Variants in EPB41L4A observed in about 807,000 individuals in gnomAD.
EPB41L4A encodes the protein erythrocyte membrane protein band 4.1 like 4A.
EPB41L4A carries 100 observed loss-of-function variants against 108.6 expected under a neutral mutation model. The ratio of observed to expected loss-of-function variants is 0.92; its 90% confidence interval spans 0.78 to 1.09. EPB41L4A has a LOEUF of 1.09. Among genes scored for constraint, EPB41L4A ranks in the 50% least tolerant of loss-of-function variants. The probability of loss-of-function intolerance (pLI) is 0.00; values close to 1 mark genes in which losing one functional copy is unlikely to be tolerated. For missense variants in EPB41L4A, 1,030 were observed against 842.7 expected, an observed-to-expected ratio of 1.22 and a Z score of -2.75; for synonymous variants, 319 against 289.0, an observed-to-expected ratio of 1.10 and a Z score of -1.05.
At chr5:112,240,289 T>C (rs986510801) in intron 10 of EPB41L4A, among the ~76,000 whole-genome samples, 1 of 152,202 alleles carries the variant, frequency 6.6e-6, no homozygotes. Context: ...AATAACTACT[T>C]AAGTGACTTC....
chr5:112,367,851 G>A (rs373041695), intron 1 of EPB41L4A, among the ~76,000 whole-genome samples: 1 of 148,590 alleles, frequency 6.7e-6, no homozygotes, highest in African/African-American at 2.6e-5. Context: ...CTCAGTACCC[G>A]GCTGAACAAA....
chr5:112,378,337 G>T (rs6883800), intron 1 of EPB41L4A, among the ~76,000 whole-genome samples: 17,731 of 152,144 alleles, frequency 0.12, 2,817 homozygotes, highest in African/African-American at 0.36. Context: ...GTTACCTAGA[G>T]CAGAGAGTAG....
intron 6 of EPB41L4A, 65 bp from the exon 7 acceptor site, chr5:112,262,646 A>T (rs1751577203): frequency 1.6e-6 from 2 of 1,252,268 alleles, no homozygotes. Context: ...AGGGATGCAA[A>T]CTATCTTCAT....
At chr5:112,166,825 G>C (rs1046767214) in intron 22 of EPB41L4A, among the ~76,000 whole-genome samples, 1 of 152,148 alleles carries the variant, frequency 6.6e-6, no homozygotes, top group Admixed American at 6.5e-5. Context: ...ACCATTACTG[G>C]CTTCTGGGCT....
At position 112,259,990 on chromosome 5, in the gene EPB41L4A, A is replaced by G. The variant is rs1303726423; in HGVS notation, c.643-11T>C. Reference sequence around the variant, plus strand: ...AGACTTGTTTTCTCCCTGCAAAAACAAACATATGCCTATAACCACATATTC... The same window carrying G: ...AGACTTGTTTTCTCCCTGCAAAAACGAACATATGCCTATAACCACATATTC... On this transcript the variant is annotated splice_polypyrimidine_tract_variant and intron_variant, in intron 7 of 22. Coordinates refer to ENST00000261486, the MANE Select transcript of EPB41L4A (RefSeq NM_022140.5). 6.3e-7 allele frequency: 1 copy of G among 1,579,394 alleles called. No individual in the cohort carries two copies. Among genetic ancestry groups the G allele is most frequent in the Admixed American group, 1.7e-5 (1 of 59,978 alleles).
intron 1 of EPB41L4A, among the ~76,000 whole-genome samples, chr5:112,339,079 G>A (rs1234801221): frequency 6.6e-6 from 1 of 152,122 alleles, no homozygotes; most frequent in South Asian, 2.1e-4. Context: ...AGAGATACTG[G>A]AGGGAAAAAT....
intron 4 of EPB41L4A, among the ~76,000 whole-genome samples, chr5:112,272,005 T>C (rs1008562840): frequency 1.3e-5 from 2 of 152,186 alleles, no homozygotes; most frequent in African/African-American, 2.4e-5. Context: ...ACATTTTTCA[T>C]AATCTGAAAC....
chr5:112,269,360 G>C (rs1469608741), intron 4 of EPB41L4A, among the ~76,000 whole-genome samples: 1 of 151,950 alleles, frequency 6.6e-6, no homozygotes, highest in East Asian at 1.9e-4. Flanking sequence ...AGGCAAATTT[G>C]TGATAAAGTA....
In EPB41L4A at chr5:112,209,911, C is replaced by T. The variant is rs370757464; in HGVS notation, c.1159G>A (p.Ala387Thr). Reference sequence around the variant, plus strand: ...ACTGACCTTTTTACTGGTGAAGGTGCAATAATTTTAATTGTTCCTTCATTT... The same window carrying T: ...ACTGACCTTTTTACTGGTGAAGGTGTAATAATTTTAATTGTTCCTTCATTT... ...GENEGTIKII[A>T]PSPVKSFKKA... Residue 387 changes from alanine to threonine, a missense_variant, in exon 13 of 23, where the codon GCA becomes ACA. Coordinates refer to ENST00000261486, the MANE Select transcript of EPB41L4A (RefSeq NM_022140.5). 1.8e-5 allele frequency: 29 copies of T among 1,602,548 alleles called. 1 individual carries two copies. In the African/African-American group the frequency reaches 3.8e-4, roughly 21 times the overall value.
intron 1 of EPB41L4A, among the ~76,000 whole-genome samples, chr5:112,328,873 T>C (rs1756366604): frequency 6.6e-6 from 1 of 152,256 alleles, no homozygotes; most frequent in African/African-American, 2.4e-5. Context: ...AATCACTAAC[T>C]CCTAAATCAC....
At chr5:112,296,144 C>T (rs1468190664) in intron 2 of EPB41L4A, among the ~76,000 whole-genome samples, 4 of 152,016 alleles carry the variant, frequency 2.6e-5, no homozygotes, top group Non-Finnish European at 5.9e-5. Context: ...TTCTAAGATT[C>T]TGATGAAAAT....
chr5:112,172,135 C>A (rs917198784), intron 18 of EPB41L4A, among the ~76,000 whole-genome samples: 12 of 152,042 alleles, frequency 7.9e-5, no homozygotes, highest in Admixed American at 2.0e-4. Flanking sequence ...CAGGATGAGA[C>A]AAAACATGAA....
intron 1 of EPB41L4A, among the ~76,000 whole-genome samples, chr5:112,411,561 TCA>T (rs1311493591): frequency 2.6e-5 from 4 of 151,678 alleles, no homozygotes; most frequent in African/African-American, 9.7e-5. Flanking sequence ...CCTCAAATTC[TCA>T]CAGTCATCCT....
chr5:112,243,369 G>C (rs1749960437), intron 9 of EPB41L4A, among the ~76,000 whole-genome samples: 1 of 151,458 alleles, frequency 6.6e-6, no homozygotes, highest in Non-Finnish European at 1.5e-5. Flanking sequence ...TCCATTTATA[G>C]AGCACAGAGT....
At chr5:112,339,871 AAAT>A (rs1230824441) in intron 1 of EPB41L4A, among the ~76,000 whole-genome samples, 3 of 152,176 alleles carry the variant, frequency 2.0e-5, no homozygotes, top group Non-Finnish European at 4.4e-5. Context: ...ATATTTAAGC[AAAT>A]AATAACTTCA....
At chr5:112,303,094 T>C (rs34069146) in intron 2 of EPB41L4A, among the ~76,000 whole-genome samples, 10,522 of 152,254 alleles carry the variant, frequency 0.069, 440 homozygotes, top group Middle Eastern at 0.099. Context: ...TCTGTAATAA[T>C]CCAGCATGAC....
At chr5:112,400,120 A>G (rs1425370576) in intron 1 of EPB41L4A, among the ~76,000 whole-genome samples, 1 of 152,160 alleles carries the variant, frequency 6.6e-6, no homozygotes, top group African/African-American at 2.4e-5. Context: ...ACCTCAGGAA[A>G]CTTATGATCA....
chr5:112,223,041 C>T (rs1007757819), intron 12 of EPB41L4A, among the ~76,000 whole-genome samples: 6 of 151,366 alleles, frequency 4.0e-5, no homozygotes, highest in African/African-American at 1.2e-4. Context: ...CGGGTTCAAG[C>T]GATTCTTGTG....
At chr5:112,187,304 C>T (rs1466537634) in intron 17 of EPB41L4A, among the ~76,000 whole-genome samples, 2 of 152,192 alleles carry the variant, frequency 1.3e-5, no homozygotes, top group African/African-American at 2.4e-5. Flanking sequence ...TTGTCAATTT[C>T]TCCATCTGTA....
Sources: gnomAD v4.1 joint callset for allele counts (sites outside exome capture counted in the v4.1 genomes callset) on GRCh38, gnomAD v4.1.1 for gene constraint, MANE v1.5 for transcripts, NCBI Gene and HGNC (gene_info 2026-07-23, HGNC 2026-07-21) for gene names.